Variants in SLC19A1 observed in about 807,000 individuals in gnomAD.
The protein encoded by SLC19A1 is solute carrier family 19 member 1.
A neutral mutation model predicts 35.3 loss-of-function variants in SLC19A1; 37 were observed. The ratio of observed to expected loss-of-function variants is 1.05; its 90% CI spans 0.81 to 1.38. The LOEUF is 1.38. Among genes scored for constraint, SLC19A1 ranks in the 40% most tolerant of loss-of-function variants. SLC19A1 has a pLI of 0.00. For missense variants in SLC19A1, 831 were observed against 826.9 expected, an observed-to-expected ratio of 1.00 and a Z score of -0.06; for synonymous variants, 460 against 398.5, an observed-to-expected ratio of 1.15 and a Z score of -1.84.
Position 45,531,752 on chromosome 21 carries a change from T to A in SLC19A1, c.586A>T (p.Ser196Cys). Residue 196 changes from serine (S) to cysteine (C), a missense_variant, in exon 3 of 6, where the codon AGC (serine) becomes TGC (cysteine). Ser to Cys is a moderately radical substitution (Grantham distance 112). Transcript: ENST00000311124. ...TTCAGGAAGAGGGCGAGGACCACGC[T>A]GAAGGTGAGGAAGGCCAGCGAGATG... ...NYISLAFLTFSVVLALFLKRP... is the reference protein window; with the variant it reads ...NYISLAFLTFCVVLALFLKRP... 6.2e-7 allele frequency: 1 copy of A among 1,611,936 alleles called. No homozygotes were observed.
chr21:45,559,807 T>C (rs182178538), intron 1 of SLC19A1, among the ~76,000 whole-genome samples: 155 of 152,340 alleles, frequency 1.0e-3, no homozygotes, highest in African/African-American at 3.6e-3. Flanking sequence ...GAGAAATTGC[T>C]AGACATGGAG....
rs551573057 is a variant in SLC19A1 at position 45,530,299 on chromosome 21, G to A, written c.1151+471C>T. Among the ~76,000 whole-genome samples, 9 of 151,288 alleles carry A rather than the reference G, an allele frequency of 5.9e-5. No homozygotes were observed. Among genetic ancestry groups the A allele is most frequent in the African/African-American group, 2.2e-4 (9 of 41,012 alleles). ...GTGGTGTGTTTGTCCATGTGTGCACGTGTGGTATGTGTTCATGAGTGTGTG... is the reference window on the plus strand; with the variant it reads ...GTGGTGTGTTTGTCCATGTGTGCACATGTGGTATGTGTTCATGAGTGTGTG... On this transcript the variant is annotated intron_variant, in intron 4 of 5. Transcript: ENST00000311124. The surrounding 1 kb of genome is among the most constrained non-coding windows in gnomAD (Gnocchi z 5.3).
Position 45,515,407 on chromosome 21 carries a change from C to T in SLC19A1, c.*251G>A. 3.5e-6 allele frequency: 5 copies of T among 1,423,638 alleles called. No individual in the cohort carries two copies. The highest frequency in any genetic ancestry group is 3.0e-5 in the Admixed American group (1 of 33,176). The allele number at this position is 1,423,638 out of a possible 1,614,324, so 88.2% of individuals were successfully genotyped here. ...GTGAGGCCTGGTGGACGCAGAAGCCCACCACCCACCTCTTCCAGCAACAAA... is the reference window on the plus strand; with the variant it reads ...GTGAGGCCTGGTGGACGCAGAAGCCTACCACCCACCTCTTCCAGCAACAAA... On this transcript the variant is annotated 3_prime_UTR_variant, in exon 6 of 6. Coordinates refer to ENST00000311124, the MANE Select transcript of SLC19A1 (RefSeq NM_194255.4).
intron 1 of SLC19A1, among the ~76,000 whole-genome samples, chr21:45,541,318 C>T (rs2078295452): frequency 6.6e-6 from 1 of 152,272 alleles, no homozygotes; most frequent in Non-Finnish European, 1.5e-5. Flanking sequence ...CTGGACAGGG[C>T]AGGCAGGTGC....
intron 1 of SLC19A1, among the ~76,000 whole-genome samples, chr21:45,558,079 G>C (rs1248798784): frequency 2.6e-5 from 4 of 152,240 alleles, no homozygotes; most frequent in African/African-American, 7.2e-5. Flanking sequence ...AGACAGCGGC[G>C]GCATCGTCTC....
In SLC19A1 at chr21:45,524,141, C is replaced by T. The variant is rs190805437; in HGVS notation, c.1293+1676G>A. 2.1e-4 allele frequency among the ~76,000 whole-genome samples: 29 copies of T among 139,098 alleles called. No homozygotes were observed. In the East Asian group the frequency reaches 4.7e-3, roughly 23 times the overall value. The allele number at this position is 139,098 out of a possible 152,430, so 91.3% of individuals were successfully genotyped here. A position where few individuals can be genotyped will look rare whatever the true frequency, so the allele number is the denominator to read the frequency against. Reference sequence around the variant, plus strand: ...GCCTCGGAGACTCACCTGCCCTAAGCGTTCACCCCTGGGCCTTGGAGGCTC... The same window carrying T: ...GCCTCGGAGACTCACCTGCCCTAAGTGTTCACCCCTGGGCCTTGGAGGCTC... On this transcript the variant is annotated intron_variant, in intron 5 of 5. Transcript: ENST00000311124.
At chr21:45,538,096 C>CCTG in intron 1 of SLC19A1, 88 bp from the exon 2 acceptor site, 1 of 746,852 alleles carries the variant, frequency 1.3e-6, no homozygotes, top group Non-Finnish European at 2.1e-6. Flanking sequence ...CCGGCCTCCT[C>CCTG]GCCACTCAGG....
chr21:45,550,503 G>A (rs866190992), intron 1 of SLC19A1, among the ~76,000 whole-genome samples: 18 of 152,182 alleles, frequency 1.2e-4, no homozygotes, highest in African/African-American at 3.9e-4. Flanking sequence ...GGTCTTATTA[G>A]ATCCAGAATG....
intron 4 of SLC19A1, 98 bp from the exon 5 acceptor site, chr21:45,526,056 C>G: frequency 7.3e-7 from 1 of 1,372,100 alleles, no homozygotes; most frequent in Middle Eastern, 2.0e-4. Flanking sequence ...CCATGACCCG[C>G]CCGGCAGCCA....
chr21:45,505,234 CA>C, intron 3 of SLC19A1: 1 of 1,597,738 alleles, frequency 6.3e-7, no homozygotes, highest in Non-Finnish European at 8.5e-7. Context: ...CCCGGCCCCC[CA>C]GGCCCCCCAG....
chr21:45,503,857 C>G (rs570672230), intron 3 of SLC19A1: 4 of 599,030 alleles, frequency 6.7e-6, no homozygotes, highest in Non-Finnish European at 1.2e-5. Flanking sequence ...CAGAAAGTAT[C>G]GGTTAACTAG....
At chr21:45,553,881 C>A (rs1165130047) in intron 1 of SLC19A1, among the ~76,000 whole-genome samples, 1 of 7,058 alleles carries the variant, frequency 1.4e-4, no homozygotes, top group Non-Finnish European at 2.9e-4. Context: ...CCCACACCCC[C>A]TCCCAGTCCT....
intron 5 of SLC19A1, among the ~76,000 whole-genome samples, chr21:45,521,599 T>C (rs2077440266): frequency 2.6e-5 from 4 of 152,250 alleles, no homozygotes; most frequent in Non-Finnish European, 5.9e-5. Context: ...GAATCAAGTC[T>C]ATCCACTTTC....
Position 45,530,643 on chromosome 21 carries a change from G to A in SLC19A1, c.1151+127C>T. On this transcript the variant is annotated intron_variant, in intron 4 of 5. Transcript: ENST00000311124. This position sits in a 1 kb window ranked among gnomAD's most constrained non-coding sequence, Gnocchi z 5.3. The stretch of plus-strand genomic sequence containing the variant: ...CAAGTGGGGACCCTGGTCAGCTCCA[G>A]GTGGCTGGCGGGGCCAGCAGTGGCA... 1.0e-6 allele frequency: 1 copy of A among 979,194 alleles called. No individual in the cohort carries two copies. The allele number at this position is 979,194 out of a possible 1,614,324, so 60.7% of individuals were successfully genotyped here.
At chr21:45,502,883 G>C (rs1439305551) in intron 3 of SLC19A1, 1 of 152,210 alleles carries the variant, frequency 6.6e-6, no homozygotes, top group Non-Finnish European at 1.5e-5. Context: ...CCCACAAGTG[G>C]ATCTGCAGGT....
rs1257315445 is a variant in SLC19A1, at chr21:45,515,572, A to G, written c.*86T>C. 1 of 1,581,064 alleles carries G rather than the reference A, an allele frequency of 6.3e-7. No homozygotes were observed. Among genetic ancestry groups the G allele is most frequent in the Non-Finnish European group, 8.5e-7 (1 of 1,171,030 alleles). On this transcript the variant is annotated 3_prime_UTR_variant, in exon 6 of 6. Transcript: ENST00000311124. Reference sequence around the variant, plus strand: ...GCTAGCAGGATAAGCGGAGGCCCCCATTGCTAAGGCAGGCGGCCCTCGAGG... The same window carrying G: ...GCTAGCAGGATAAGCGGAGGCCCCCGTTGCTAAGGCAGGCGGCCCTCGAGG...
intron 3 of SLC19A1, among the ~76,000 whole-genome samples, chr21:45,503,506 AATC>A (rs1420242555): frequency 6.6e-6 from 1 of 151,982 alleles, no homozygotes; most frequent in Non-Finnish European, 1.5e-5. Flanking sequence ...TGAAATTGGA[AATC>A]ATCATTCTCA....
Position 45,515,423 on chromosome 21 carries a change from CA to C in SLC19A1, c.*234del. On this transcript the variant is annotated 3_prime_UTR_variant, in exon 6 of 6. Coordinates refer to ENST00000311124, the MANE Select transcript of SLC19A1 (RefSeq NM_194255.4). ...GCAGAAGCCCACCACCCACCTCTTC[CA>C]GCAACAAAGCCCGCGGGGCACAGTG... 1 of 1,400,622 alleles carries C rather than the reference CA, an allele frequency of 7.1e-7. No homozygotes were observed. The highest frequency in any genetic ancestry group is 9.1e-7 in the Non-Finnish European group (1 of 1,093,610). 86.8% of individuals were successfully genotyped at this position (1,400,622 alleles called of 1,614,324 possible). A position where few individuals can be genotyped will look rare whatever the true frequency, so the allele number is the denominator to read the frequency against.
rs756426597 is a variant in SLC19A1 at position 45,531,754 on chromosome 21, A to T, written c.584T>A (p.Phe195Tyr). 1.7e-5 allele frequency: 28 copies of T among 1,611,504 alleles called. No individual in the cohort carries two copies. In the Admixed American group the frequency reaches 4.2e-4, roughly 24 times the overall value. Residue 195 changes from phenylalanine (F) to tyrosine (Y), a missense_variant, in exon 3 of 6, where the codon TTC (phenylalanine) becomes TAC (tyrosine). Coordinates refer to ENST00000311124, the MANE Select transcript of SLC19A1 (RefSeq NM_194255.4). ...CAGGAAGAGGGCGAGGACCACGCTG[A>T]AGGTGAGGAAGGCCAGCGAGATGTA... ...LNYISLAFLT[F>Y]SVVLALFLKR... is the part of the protein sequence containing the mutation.
Sources: gnomAD v4.1 joint callset for allele counts (sites outside exome capture counted in the v4.1 genomes callset) on GRCh38, gnomAD v4.1.1 for gene constraint, Gnocchi (gnomAD v3.1) non-coding constraint, MANE v1.5 for transcripts, NCBI Gene and HGNC (gene_info 2026-07-23, HGNC 2026-07-21) for gene names.